The following ARHGAP1 variants were observed in gnomAD, a reference collection of about 807,000 sequenced individuals.
ARHGAP1 encodes Rho GTPase activating protein 1, also known as rho GTPase-activating protein 1.
Under a neutral mutation model 52.2 loss-of-function variants are expected in ARHGAP1, and 23 were observed. The ratio of observed to expected loss-of-function variants is 0.44; its 90% CI spans 0.32 to 0.62. ARHGAP1 has a LOEUF of 0.62. Among genes scored for constraint, ARHGAP1 ranks in the 20% least tolerant of loss-of-function variants. The pLI is 0.05. For missense variants in ARHGAP1, 480 were observed against 560.9 expected, an observed-to-expected ratio of 0.86 and a Z score of 1.46; for synonymous variants, 210 against 228.4, an observed-to-expected ratio of 0.92 and a Z score of 0.73.
Position 46,681,677 on chromosome 11 carries a change from ATCCGCCTC to A in ARHGAP1, c.450-306_450-299del, listed in dbSNP as rs2064529752. On this transcript the variant is annotated intron_variant, in intron 5 of 12. Transcript: ENST00000311956. The surrounding 1 kb of genome is among the most constrained non-coding windows in gnomAD (Gnocchi z 5.7). ...TGGAACTCCTGACCTCAAGTGATCC[ATCCGCCTC>A]AGCTTCCCAAAGTGCTGGGATTACA... is the stretch of plus-strand genomic sequence containing the variant. Among the ~76,000 whole-genome samples the A allele has an allele frequency of 6.6e-6, 1 of 152,104 alleles. No individual in the cohort carries two copies. Among genetic ancestry groups the A allele is most frequent in the African/African-American group, 2.4e-5 (1 of 41,412 alleles).
chr11:46,693,944 A>G (rs1480552978), intron 3 of ARHGAP1, among the ~76,000 whole-genome samples: 1 of 152,178 alleles, frequency 6.6e-6, no homozygotes, highest in Non-Finnish European at 1.5e-5. Context: ...GAAAGAACCC[A>G]CTGGGACTGA....
Position 46,688,160 on chromosome 11 carries a change from A to T in ARHGAP1, c.317+13T>A. 1 of 1,611,238 alleles carries T rather than the reference A, an allele frequency of 6.2e-7. No individual in the cohort carries two copies. The highest frequency in any genetic ancestry group is 1.1e-5 in the South Asian group (1 of 90,628). The stretch of plus-strand genomic sequence containing the variant: ...TGGGCAAAGCCCCAACACACTTCCC[A>T]GCAGGTACTCACCCCAGGAGCTTGC... On this transcript the variant is annotated intron_variant, in intron 4 of 12. Coordinates refer to ENST00000311956, the MANE Select transcript of ARHGAP1 (RefSeq NM_004308.5).
rs1430832915 is a variant in ARHGAP1 at position 46,696,156 on chromosome 11, C to G, written c.-49G>C. On this transcript the variant is annotated splice_region_variant and 5_prime_UTR_variant, in exon 2 of 13. Coordinates refer to ENST00000311956, the MANE Select transcript of ARHGAP1 (RefSeq NM_004308.5). This position sits in a 1 kb window ranked among gnomAD's most constrained non-coding sequence, Gnocchi z 4.8. ...TTGCCCTGCAGAACCTTAAGAGAAA[C>G]CTGGGAGAGAGGAAGACAGGTGGCA... 14 of 1,542,790 alleles carry G rather than the reference C, an allele frequency of 9.1e-6. No homozygotes were observed. The East Asian group carries it at 3.4e-4, about 37-fold the overall frequency.
intron 3 of ARHGAP1, among the ~76,000 whole-genome samples, chr11:46,693,782 C>G (rs986531632): frequency 2.0e-5 from 3 of 152,146 alleles, no homozygotes; most frequent in African/African-American, 4.8e-5. Context: ...ACAGCCAGCT[C>G]ACACATTTGT....
In ARHGAP1 at chr11:46,681,980, G is replaced by A; in HGVS notation, c.449+71C>T. On this transcript the variant is annotated intron_variant, in intron 5 of 12. Coordinates refer to ENST00000311956, the MANE Select transcript of ARHGAP1 (RefSeq NM_004308.5). This position sits in a 1 kb window ranked among gnomAD's most constrained non-coding sequence, Gnocchi z 5.7. ...CTTGGAATAAGCTCCTGCCCAAGTG[G>A]AGGGCAGCCCGGAAGCTGGCAGAGC... is the stretch of plus-strand genomic sequence containing the variant. 1 of 1,596,604 alleles carries A rather than the reference G, an allele frequency of 6.3e-7. No homozygotes were observed. The highest frequency in any genetic ancestry group is 1.1e-5 in the South Asian group (1 of 89,474).
chr11:46,680,153 G>T lies in ARHGAP1; in HGVS notation c.898+52C>A, dbSNP rs958119498. The T allele has an allele frequency of 1.3e-6, 2 of 1,561,548 alleles. No homozygotes were observed. The highest frequency in any genetic ancestry group is 1.7e-5 in the Admixed American group (1 of 59,960). ...TTACAGGGCAGCAGAGGGCAGAGAA[G>T]CCCCCTACCAGTAACACACATATGG... On this transcript the variant is annotated intron_variant, in intron 10 of 12. Transcript: ENST00000311956. The surrounding 1 kb of genome is among the most constrained non-coding windows in gnomAD (Gnocchi z 5.9).
rs1237956979 is a variant in ARHGAP1 at position 46,680,720 on chromosome 11, C to T, written c.663G>A (p.Gln221=). The change falls in exon 8 of 13, where the codon CAG becomes CAA. Residue 221 remains glutamine (Q), a synonymous_variant. Coordinates refer to ENST00000311956, the MANE Select transcript of ARHGAP1 (RefSeq NM_004308.5). The surrounding 1 kb of genome is among the most constrained non-coding windows in gnomAD (Gnocchi z 5.9). ...LKYDDFLKST[Q]KSPATAPKPM... is the part of the protein sequence containing the mutation. ...GCTTGGGGGCTGTCGCGGGGCTCTT[C>T]TGTGTGGATTTCAGGAAGTCGTCAT... is the stretch of plus-strand genomic sequence containing the variant. 1 of 1,566,076 alleles carries T rather than the reference C, an allele frequency of 6.4e-7. No individual in the cohort carries two copies. Among genetic ancestry groups the T allele is most frequent in the Non-Finnish European group, 8.6e-7 (1 of 1,157,028 alleles).
chr11:46,694,878 G>T (rs545145746), intron 3 of ARHGAP1, among the ~76,000 whole-genome samples: 3 of 152,122 alleles, frequency 2.0e-5, no homozygotes, highest in Non-Finnish European at 4.4e-5. Flanking sequence ...TTCCAGGGCC[G>T]GTGTCTGCCA....
rs868709642 is a variant in ARHGAP1, at chr11:46,679,059, C to G, written c.1298G>C (p.Ser433Thr). The G allele has an allele frequency of 6.2e-7, 1 of 1,614,166 alleles. No homozygotes were observed. The highest frequency in any genetic ancestry group is 1.7e-5 in the Admixed American group (1 of 60,022). Reference protein sequence around the residue: ...LLDHQGELFPSPDPSGL With the variant: ...LLDHQGELFPTPDPSGL ...GGTTCAGAGCCCGCTGGGGTCCGGG[C>G]TTGGGAACAGCTCCCCTTGGTGATC... The change falls in exon 13 of 13, where the codon AGC (serine) becomes ACC (threonine). Residue 433 changes from serine (S) to threonine (T), a missense_variant. Ser to Thr is a moderately conservative substitution (Grantham distance 58). Coordinates refer to ENST00000311956, the MANE Select transcript of ARHGAP1 (RefSeq NM_004308.5). The surrounding 1 kb of genome is among the most constrained non-coding windows in gnomAD (Gnocchi z 4.4).
rs781128615 is a variant in ARHGAP1, at chr11:46,679,140, G to A, written c.1217C>T (p.Ala406Val). 13 of 1,613,888 alleles carry A rather than the reference G, an allele frequency of 8.1e-6. No homozygotes were observed. The highest frequency in any genetic ancestry group is 4.5e-5 in the East Asian group (2 of 44,878). ...FGPNLLWAKD[A>V]AITLKAINPI... is the part of the protein sequence containing the mutation. ...ATTAATGGCCTTGAGGGTGATGGCC[G>A]CATCCTTGGCCCACAGCAGGTTAGG... is the stretch of plus-strand genomic sequence containing the variant. The change falls in exon 13 of 13, where the codon GCG becomes GTG. Residue 406 changes from alanine to valine, a missense_variant. Transcript: ENST00000311956. The surrounding 1 kb of genome is among the most constrained non-coding windows in gnomAD (Gnocchi z 4.4).
Position 46,680,273 on chromosome 11 carries a change from G to A in ARHGAP1, c.830C>T (p.Thr277Ile). The change falls in exon 10 of 13, where the codon ACC becomes ATC. Residue 277 changes from threonine (T) to isoleucine (I), a missense_variant. By Grantham distance (89) the Thr-to-Ile change is moderately conservative. Coordinates refer to ENST00000311956, the MANE Select transcript of ARHGAP1 (RefSeq NM_004308.5). The surrounding 1 kb of genome is among the most constrained non-coding windows in gnomAD (Gnocchi z 5.9). ...GGCCGACCTCCGGAAGATGCCCTCG[G>A]TGGTGAGAGCTGGGAAACAGTAGGG... ...VAYLQAHALT[T>I]EGIFRRSANT... 1.9e-6 allele frequency: 3 copies of A among 1,614,160 alleles called. No individual in the cohort carries two copies. The highest frequency in any genetic ancestry group is 2.2e-5 in the South Asian group (2 of 91,080).
intron 1 of ARHGAP1, among the ~76,000 whole-genome samples, chr11:46,697,870 C>T (rs781487360): frequency 1.3e-4 from 20 of 152,146 alleles, no homozygotes; most frequent in Non-Finnish European, 2.2e-4. Context: ...ACCCTTCAAC[C>T]CTTCAACCCT....
At position 46,696,121 on chromosome 11, in the gene ARHGAP1, C is replaced by T. The variant is rs575532680; in HGVS notation, c.-14G>A. The T allele has an allele frequency of 6.3e-5, 99 of 1,583,950 alleles. 1 individual carries two copies. In the South Asian group the frequency reaches 1.0e-3, roughly 16 times the overall value. ...GAGCGGATCCATGGCCAAGCCTGTC[C>T]CAGACAGCCTTGCCCTGCAGAACCT... On this transcript the variant is annotated 5_prime_UTR_variant, in exon 2 of 13. Coordinates refer to ENST00000311956, the MANE Select transcript of ARHGAP1 (RefSeq NM_004308.5). The surrounding 1 kb of genome is among the most constrained non-coding windows in gnomAD (Gnocchi z 4.8).
At chr11:46,683,037 C>CTTTT (rs66603634) in intron 4 of ARHGAP1, among the ~76,000 whole-genome samples, 30 of 108,728 alleles carry the variant, frequency 2.8e-4, no homozygotes, top group Non-Finnish European at 3.0e-4. Context: ...CCAAAGCCTG[C>CTTTT]TTTTTTTTTT....
At position 46,679,975 on chromosome 11, in the gene ARHGAP1, G is replaced by T; in HGVS notation, c.899-199C>A. Reference sequence around the variant, plus strand: ...CCGGCCATCTGGGGAAGTGGGGCCCGGCACACCCCACCGTTATTCCTTGCC... The same window carrying T: ...CCGGCCATCTGGGGAAGTGGGGCCCTGCACACCCCACCGTTATTCCTTGCC... On this transcript the variant is annotated intron_variant, in intron 10 of 12. Coordinates refer to ENST00000311956, the MANE Select transcript of ARHGAP1 (RefSeq NM_004308.5). This position sits in a 1 kb window ranked among gnomAD's most constrained non-coding sequence, Gnocchi z 4.4. 1 of 1,045,258 alleles carries T rather than the reference G, an allele frequency of 9.6e-7. No individual in the cohort carries two copies. Among genetic ancestry groups the T allele is most frequent in the Non-Finnish European group, 1.4e-6 (1 of 735,372 alleles). The allele number at this position is 1,045,258 out of a possible 1,614,324, so 64.7% of individuals were successfully genotyped here.
intron 4 of ARHGAP1, among the ~76,000 whole-genome samples, chr11:46,683,025 C>T (rs2064540502): frequency 6.8e-6 from 1 of 146,594 alleles, no homozygotes; most frequent in Non-Finnish European, 1.5e-5. Context: ...AAGTGTCTAA[C>T]ACCAAAGCCT....
At position 46,678,438 on chromosome 11, in the gene ARHGAP1, G is replaced by C. The variant is rs1305237535; in HGVS notation, c.*599C>G. 2 of 165,300 alleles carry C rather than the reference G, an allele frequency of 1.2e-5. No individual in the cohort carries two copies. The highest frequency in any genetic ancestry group is 3.8e-4 in the East Asian group (2 of 5,308). The allele number at this position is 165,300 out of a possible 1,614,324, so 10.2% of individuals were successfully genotyped here. On this transcript the variant is annotated 3_prime_UTR_variant, in exon 13 of 13. Coordinates refer to ENST00000311956, the MANE Select transcript of ARHGAP1 (RefSeq NM_004308.5). ...CCCAGGATGTGTGGAAGAGGAGGCA[G>C]AAAGCAGACACAGTCTCCAGCCCTG...
chr11:46,681,922 T>A lies in ARHGAP1; in HGVS notation c.449+129A>T, dbSNP rs903358164. ...GTGATCTGACTGCAGATTCTTTACATTGACGTAGACGGCAGCCCCCGCCAC... is the reference window on the plus strand; with the variant it reads ...GTGATCTGACTGCAGATTCTTTACAATGACGTAGACGGCAGCCCCCGCCAC... On this transcript the variant is annotated intron_variant, in intron 5 of 12. Transcript: ENST00000311956. This position sits in a 1 kb window ranked among gnomAD's most constrained non-coding sequence, Gnocchi z 5.7. The A allele has an allele frequency of 7.6e-7, 1 of 1,307,816 alleles. No individual in the cohort carries two copies. Among genetic ancestry groups the A allele is most frequent in the Admixed American group, 2.2e-5 (1 of 44,800 alleles). 81.0% of individuals were successfully genotyped at this position (1,307,816 alleles called of 1,614,324 possible).
chr11:46,679,415 G>A lies in ARHGAP1; in HGVS notation c.1081C>T (p.Pro361Ser). The change falls in exon 12 of 13, where the codon CCC becomes TCC. Residue 361 changes from proline to serine, a missense_variant. Coordinates refer to ENST00000311956, the MANE Select transcript of ARHGAP1 (RefSeq NM_004308.5). The surrounding 1 kb of genome is among the most constrained non-coding windows in gnomAD (Gnocchi z 4.4). ...CGAAGCACCTGGTAGTTCTCCTCGG[G>A]CAGCGTCTGGAGGACCTGCAGTGTC... Reference protein sequence around the residue: ...PATLQVLQTLPEENYQVLRFL... With the variant: ...PATLQVLQTLSEENYQVLRFL... 6.2e-7 allele frequency: 1 copy of A among 1,614,212 alleles called. No homozygotes were observed. Among genetic ancestry groups the A allele is most frequent in the Non-Finnish European group, 8.5e-7 (1 of 1,180,038 alleles).
Sources: gnomAD v4.1 joint callset for allele counts (sites outside exome capture counted in the v4.1 genomes callset) on GRCh38, gnomAD v4.1.1 for gene constraint, Gnocchi (gnomAD v3.1) non-coding constraint, MANE v1.5 for transcripts, NCBI Gene and HGNC (gene_info 2026-07-23, HGNC 2026-07-21) for gene names.